NRG3: variants seen among roughly 807,000 people sequenced by gnomAD.
NRG3 encodes pro-neuregulin-3, membrane-bound isoform.
NRG3 carries 31 observed loss-of-function variants against 66.9 expected under a neutral mutation model. That is an observed-to-expected ratio of 0.46 (90% CI 0.35 to 0.63). NRG3 has a LOEUF of 0.63. NRG3 is among the 20% of genes least tolerant of loss of function. NRG3 has a pLI of 0.00. For synonymous variants in NRG3, 393 were observed against 359.4 expected, an observed-to-expected ratio of 1.09 and a Z score of -1.06; for missense variants, 910 against 878.9, an observed-to-expected ratio of 1.04 and a Z score of -0.45.
At chr10:82,450,241 G>C (rs764354917) in intron 2 of NRG3, among the ~76,000 whole-genome samples, 9 of 152,146 alleles carry the variant, frequency 5.9e-5, no homozygotes, top group East Asian at 1.9e-4. Context: ...TTTGGGGAAT[G>C]CTGCTTTATA....
chr10:82,830,827 T>A (rs2062481868), intron 3 of NRG3, among the ~76,000 whole-genome samples: 1 of 152,138 alleles, frequency 6.6e-6, no homozygotes, highest in African/African-American at 2.4e-5. Context: ...AGCCATGGTG[T>A]ACTTCAAATT....
Position 82,011,795 on chromosome 10 carries a change from G to C in NRG3, c.823+135632G>C, listed in dbSNP as rs1467665268. The stretch of plus-strand genomic sequence containing the variant: ...CCATGTCTCACATCCAAGTCATGCT[G>C]ACGGAAGAGATGGGTTGCCGTGGTC... On this transcript the variant is annotated intron_variant, in intron 1 of 8. Transcript: ENST00000372141. Among the ~76,000 whole-genome samples the C allele has an allele frequency of 2.0e-5, 3 of 152,218 alleles. No homozygotes were observed. In the South Asian group the frequency reaches 6.2e-4, roughly 31 times the overall value.
intron 1 of NRG3, among the ~76,000 whole-genome samples, chr10:82,294,453 GTGTGTGTGTGTA>G (rs947050738): frequency 1.2e-4 from 14 of 121,718 alleles, no homozygotes; most frequent in Non-Finnish European, 2.3e-4. Context: ...GTGTGTGTGT[GTGTGTGTGTGTA>G]TGTGTGTGTT....
At chr10:81,993,976 T>A (rs1431152565) in intron 1 of NRG3, among the ~76,000 whole-genome samples, 1 of 152,194 alleles carries the variant, frequency 6.6e-6, no homozygotes, top group African/African-American at 2.4e-5. Context: ...ATTGTTTCTT[T>A]AGACAATTTC....
chr10:82,917,420 G>T (rs1820231730), intron 4 of NRG3, among the ~76,000 whole-genome samples: 1 of 152,232 alleles, frequency 6.6e-6, no homozygotes. Flanking sequence ...CACAAGTCGG[G>T]CTTTCATTTA....
chr10:82,366,148 A>AT (rs1262624416), intron 2 of NRG3, among the ~76,000 whole-genome samples: 1 of 152,100 alleles, frequency 6.6e-6, no homozygotes, highest in Admixed American at 6.6e-5. Flanking sequence ...TCAATATTTA[A>AT]TTTTTTTAAG....
At chr10:82,535,797 C>T (rs17100174) in intron 2 of NRG3, among the ~76,000 whole-genome samples, 1 of 152,078 alleles carries the variant, frequency 6.6e-6, no homozygotes. Context: ...ATACAAGTTG[C>T]CTGCACATTT....
At chr10:82,500,092 G>A (rs117536508) in intron 2 of NRG3, among the ~76,000 whole-genome samples, 1,733 of 152,240 alleles carry the variant, frequency 0.011, 18 homozygotes, top group Middle Eastern at 0.071. Context: ...AGAGCAGTGA[G>A]GACATATTGA....
intron 3 of NRG3, among the ~76,000 whole-genome samples, chr10:82,739,524 G>A (rs1042241253): frequency 6.6e-6 from 1 of 152,108 alleles, no homozygotes; most frequent in East Asian, 1.9e-4. Context: ...GACAGAGGTC[G>A]CCCTGCCTGT....
chr10:82,651,858 T>A (rs1390839657), intron 2 of NRG3, among the ~76,000 whole-genome samples: 1 of 152,212 alleles, frequency 6.6e-6, no homozygotes, highest in East Asian at 1.9e-4. Context: ...AGCCTTCAGA[T>A]GACTGCATCC....
chr10:82,198,289 A>T (rs928559162), intron 1 of NRG3, among the ~76,000 whole-genome samples: 1 of 137,022 alleles, frequency 7.3e-6, no homozygotes, highest in Non-Finnish European at 1.6e-5. Flanking sequence ...CAAATAAAGG[A>T]CAGTTTTGTT....
At chr10:81,902,326 A>G (rs1397171820) in intron 1 of NRG3, among the ~76,000 whole-genome samples, 1 of 152,192 alleles carries the variant, frequency 6.6e-6, no homozygotes, top group African/African-American at 2.4e-5. Context: ...GCCCTGGTGT[A>G]TGGACTGTTA....
intron 3 of NRG3, among the ~76,000 whole-genome samples, chr10:82,781,349 C>G (rs2060111316): frequency 6.6e-6 from 1 of 152,002 alleles, no homozygotes; most frequent in African/African-American, 2.4e-5. Context: ...AGTTAATTCC[C>G]ATCACTCTCA....
intron 1 of NRG3, among the ~76,000 whole-genome samples, chr10:82,307,120 G>C (rs1002951832): frequency 6.6e-6 from 1 of 151,684 alleles, no homozygotes; most frequent in Non-Finnish European, 1.5e-5. Context: ...GTTAATATCC[G>C]ATAGGCACAT....
chr10:82,870,704 A>G (rs906492963), intron 4 of NRG3, among the ~76,000 whole-genome samples: 5 of 152,104 alleles, frequency 3.3e-5, no homozygotes, highest in African/African-American at 1.2e-4. Context: ...ATTTTTTCAT[A>G]TGCTTATTTG....
intron 1 of NRG3, among the ~76,000 whole-genome samples, chr10:81,901,632 C>T (rs1211674510): frequency 6.6e-6 from 1 of 152,074 alleles, no homozygotes; most frequent in East Asian, 1.9e-4. Flanking sequence ...TGCATCACTG[C>T]ATTCCAGCCT....
chr10:82,863,849 C>G (rs2064274017), intron 3 of NRG3, among the ~76,000 whole-genome samples: 1 of 152,158 alleles, frequency 6.6e-6, no homozygotes, highest in Non-Finnish European at 1.5e-5. Flanking sequence ...TCTCCATGGT[C>G]TCTCATTCAT....
intron 3 of NRG3, among the ~76,000 whole-genome samples, chr10:82,813,900 C>G (rs184157297): frequency 6.6e-6 from 1 of 152,224 alleles, no homozygotes; most frequent in South Asian, 2.1e-4. Context: ...TGTGTACACA[C>G]AGGTCTTGAG....
intron 4 of NRG3, among the ~76,000 whole-genome samples, chr10:82,934,306 A>G (rs1171015405): frequency 6.6e-6 from 1 of 152,184 alleles, no homozygotes; most frequent in Non-Finnish European, 1.5e-5. Flanking sequence ...ACTTTTTATA[A>G]TTGGAGGTTG....
Sources: allele counts gnomAD v4.1 joint callset (sites outside exome capture counted in the v4.1 genomes callset), GRCh38; gene constraint gnomAD v4.1.1; transcripts MANE v1.5; gene names NCBI Gene and HGNC (gene_info 2026-07-23, HGNC 2026-07-21).